MYL2: variants seen among roughly 807,000 people sequenced by gnomAD.
MYL2 encodes myosin light chain 2, also known as myosin regulatory light chain 2, ventricular/cardiac muscle isoform.
In MYL2, 19 loss-of-function variants were observed where a neutral mutation model predicts 23.0. The observed-to-expected ratio is 0.83, with a 90% CI of 0.58 to 1.21. MYL2 has a LOEUF of 1.21. Among genes scored for constraint, MYL2 ranks in the 50% most tolerant of loss-of-function variants. MYL2 has a pLI of 0.00. For missense variants in MYL2, 180 were observed against 215.1 expected, an observed-to-expected ratio of 0.84 and a Z score of 1.02; for synonymous variants, 78 against 76.2, an observed-to-expected ratio of 1.02 and a Z score of -0.13.
Position 110,914,348 on chromosome 12 carries a change from C to T in MYL2, c.170-58G>A, listed in dbSNP as rs756830343. The T allele has an allele frequency of 1.1e-5, 13 of 1,217,396 alleles. No homozygotes were observed. The African/African-American group carries it at 1.6e-4, about 15-fold the overall frequency. The allele number at this position is 1,217,396 out of a possible 1,614,324, so 75.4% of individuals were successfully genotyped here. On this transcript the variant is annotated intron_variant, in intron 3 of 6. Coordinates refer to ENST00000228841, the MANE Select transcript of MYL2 (RefSeq NM_000432.4). ...AGCTGGGGAGAAAGAACCATTATGACACTGCCATTGGCTCCTGGGATTCCA... is the reference window on the plus strand; with the variant it reads ...AGCTGGGGAGAAAGAACCATTATGATACTGCCATTGGCTCCTGGGATTCCA...
chr12:110,914,500 A>T (rs1403582477), intron 3 of MYL2, among the ~76,000 whole-genome samples: 1 of 152,068 alleles, frequency 6.6e-6, no homozygotes, highest in Non-Finnish European at 1.5e-5. Flanking sequence ...CTAACATCTG[A>T]TGTGGGAAGG....
upstream of MYL2, chr12:110,920,818 C>G (rs2071719483): frequency 3.5e-6 from 2 of 564,310 alleles, no homozygotes; most frequent in Admixed American, 3.0e-5. Flanking sequence ...GCTGCGCGCT[C>G]TCTGCGGTGC....
upstream of MYL2, among the ~76,000 whole-genome samples, chr12:110,921,388 C>T (rs1266322393): frequency 6.6e-6 from 1 of 152,168 alleles, no homozygotes; most frequent in Admixed American, 6.5e-5. Context: ...CAGCCACGCA[C>T]CTCCTGCGCT....
At position 110,915,752 on chromosome 12, in the gene MYL2, A is replaced by G. The variant is rs2301610; in HGVS notation, c.132T>C (p.Ile44=). 148,609 of 1,613,832 alleles carry G rather than the reference A, an allele frequency of 0.092. 7,752 individuals are homozygous for G. The highest frequency in any genetic ancestry group is 0.22 in the East Asian group (9,863 of 44,858). The change falls in exon 3 of 7, where the codon ATT becomes ATC. Residue 44 remains isoleucine (I), a synonymous_variant. Coordinates refer to ENST00000228841, the MANE Select transcript of MYL2 (RefSeq NM_000432.4). ...TIMDQNRDGF[I]DKNDLRDTFA... is the part of the protein sequence containing the mutation. ...AGGTGTCTCTCAGATCGTTCTTGTCAATGAAGCCATCCCTGTTCTGGTCCA... is the reference window on the plus strand; with the variant it reads ...AGGTGTCTCTCAGATCGTTCTTGTCGATGAAGCCATCCCTGTTCTGGTCCA...
At chr12:110,917,547 T>C (rs1339242454) in intron 2 of MYL2, among the ~76,000 whole-genome samples, 1 of 152,128 alleles carries the variant, frequency 6.6e-6, no homozygotes, top group Non-Finnish European at 1.5e-5. Context: ...CCTGGCTACA[T>C]GTTTTGAGTT....
intron 6 of MYL2, among the ~76,000 whole-genome samples, chr12:110,911,919 G>C (rs2071655371): frequency 6.6e-6 from 1 of 152,168 alleles, no homozygotes; most frequent in Non-Finnish European, 1.5e-5. Context: ...CTTGCCACAA[G>C]TTCACACTTT....
intron 3 of MYL2, among the ~76,000 whole-genome samples, chr12:110,915,044 A>G (rs933296): frequency 6.6e-6 from 1 of 152,082 alleles, no homozygotes; most frequent in Non-Finnish European, 1.5e-5. Flanking sequence ...CACAAGCCTA[A>G]CTTTGTGCAA....
At chr12:110,920,672 C>CGCCT, upstream of MYL2, 6 of 1,161,894 alleles carry the variant, frequency 5.2e-6, no homozygotes, top group Non-Finnish European at 7.6e-6. Context: ...GAGGCGGGCA[C>CGCCT]CACCTAAGGC....
At chr12:110,921,429 C>T (rs553476896), upstream of MYL2, among the ~76,000 whole-genome samples, 1 of 152,216 alleles carries the variant, frequency 6.6e-6, no homozygotes, top group Non-Finnish European at 1.5e-5. Context: ...CTCTGCACAG[C>T]GTGAGGCAGT....
In MYL2 at chr12:110,911,159, G is replaced by A. The variant is rs1421677669; in HGVS notation, c.419C>T (p.Ala140Val). 1.2e-6 allele frequency: 2 copies of A among 1,608,914 alleles called. No individual in the cohort carries two copies. Among genetic ancestry groups the A allele is most frequent in the Non-Finnish European group, 8.5e-7 (1 of 1,177,322 alleles). The change falls in exon 7 of 7, where the codon GCC (alanine) becomes GTC (valine). Residue 140 changes from alanine to valine, a missense_variant. Physicochemically the swap from Ala to Val is moderately conservative, Grantham distance 64. Coordinates refer to ENST00000228841, the MANE Select transcript of MYL2 (RefSeq NM_000432.4). Reference protein sequence around the residue: ...FSKEEVDQMFAAFPPDVTGNL... With the variant: ...FSKEEVDQMFVAFPPDVTGNL... ...GCCAGTCACGTCAGGGGGGAAGGCG[G>A]CGAACATCTGGTCAACCTGCAATGA...
intron 2 of MYL2, among the ~76,000 whole-genome samples, chr12:110,916,772 C>A (rs1286965341): frequency 6.6e-6 from 1 of 152,150 alleles, no homozygotes; most frequent in African/African-American, 2.4e-5. Context: ...TGTGAGTATA[C>A]TGCAAACCAC....
At chr12:110,920,398 G>A (rs2071714251) in intron 1 of MYL2, 129 bp downstream of exon 1, 2 of 1,379,424 alleles carry the variant, frequency 1.4e-6, no homozygotes, top group Non-Finnish European at 2.1e-6. Flanking sequence ...CAGTCAATGG[G>A]GCTTTTTCCA....
intron 3 of MYL2, 148 bp downstream of exon 3, chr12:110,915,567 C>T: frequency 1.3e-6 from 1 of 796,384 alleles, no homozygotes; most frequent in Non-Finnish European, 2.2e-6. Flanking sequence ...CTTTCCCATC[C>T]CCTGAAATTT....
chr12:110,921,051 G>A (rs1042646297), upstream of MYL2, among the ~76,000 whole-genome samples: 12 of 152,102 alleles, frequency 7.9e-5, no homozygotes, highest in Non-Finnish European at 1.6e-4. Context: ...AAGCCTCCCC[G>A]ACCACCATCT....
upstream of MYL2, chr12:110,920,731 C>G: frequency 1.4e-6 from 1 of 707,760 alleles, no homozygotes; most frequent in Non-Finnish European, 2.4e-6. Context: ...TCACTCGCCA[C>G]TGGGTGACAC....
At position 110,918,898 on chromosome 12, in the gene MYL2, G is replaced by A. The variant is rs1475564632; in HGVS notation, c.93+206C>T. 3.3e-5 allele frequency: 19 copies of A among 575,644 alleles called. No individual in the cohort carries two copies. Among genetic ancestry groups the A allele is most frequent in the Non-Finnish European group, 3.7e-5 (12 of 326,500 alleles). 35.7% of individuals were successfully genotyped at this position (575,644 alleles called of 1,614,324 possible). A position where few individuals can be genotyped will look rare whatever the true frequency, so the allele number is the denominator to read the frequency against. Reference sequence around the variant, plus strand: ...AAAATTTTCCAACATTTTTCAACATGGAATATGTTTTACTTTGATAATCAG... The same window carrying A: ...AAAATTTTCCAACATTTTTCAACATAGAATATGTTTTACTTTGATAATCAG... On this transcript the variant is annotated intron_variant, in intron 2 of 6. Coordinates refer to ENST00000228841, the MANE Select transcript of MYL2 (RefSeq NM_000432.4). This position sits in a 1 kb window ranked among gnomAD's most constrained non-coding sequence, Gnocchi z 4.4.
In MYL2 at chr12:110,919,149, G is replaced by C; in HGVS notation, c.48C>G (p.Asn16Lys). 6.2e-7 allele frequency: 1 copy of C among 1,613,862 alleles called. No homozygotes were observed. The highest frequency in any genetic ancestry group is 8.5e-7 in the Non-Finnish European group (1 of 1,180,006). ...AKKRAGGANS[N>K]VFSMFEQTQI... ...GGGTCTGTTCGAACATGGAGAACAC[G>C]TTGGAGTTGGCGCCCCCGGCTCTCT... Residue 16 changes from asparagine (N) to lysine (K), a missense_variant, in exon 2 of 7, where the codon AAC becomes AAG. By Grantham distance (94) the Asn-to-Lys change is moderately conservative. Coordinates refer to ENST00000228841, the MANE Select transcript of MYL2 (RefSeq NM_000432.4).
In MYL2 at chr12:110,911,350, G is replaced by T. The variant is rs369557164; in HGVS notation, c.403-175C>A. 6.6e-5 allele frequency among the ~76,000 whole-genome samples: 10 copies of T among 152,176 alleles called. No homozygotes were observed. In the East Asian group the frequency reaches 1.9e-3, roughly 30 times the overall value. On this transcript the variant is annotated intron_variant, in intron 6 of 6. Coordinates refer to ENST00000228841, the MANE Select transcript of MYL2 (RefSeq NM_000432.4). ...TCCCCAGCTGCTGCAGGGCCCCCTC[G>T]CCCAAGGTCATGCCCTTTCTGGGGC...
chr12:110,913,265 C>G lies in MYL2; in HGVS notation c.334G>C (p.Gly112Arg). 1 of 1,614,252 alleles carries G rather than the reference C, an allele frequency of 6.2e-7. No homozygotes were observed. The highest frequency in any genetic ancestry group is 8.5e-7 in the Non-Finnish European group (1 of 1,180,046). ...AFKVFDPEGK[G>R]VLKADYVREM... ...ACTCACTAATCAGCCTTCAGCACCC[C>G]TTTGCCTTCAGGGTCAAACACTTTG... The change falls in exon 5 of 7, where the codon GGG becomes CGG. Residue 112 changes from glycine (G) to arginine (R), a missense_variant. By Grantham distance (125) the Gly-to-Arg change is moderately radical. Coordinates refer to ENST00000228841, the MANE Select transcript of MYL2 (RefSeq NM_000432.4).
Sources: gnomAD v4.1 joint callset for allele counts (sites outside exome capture counted in the v4.1 genomes callset) on GRCh38, gnomAD v4.1.1 for gene constraint, Gnocchi (gnomAD v3.1) non-coding constraint, MANE v1.5 for transcripts, NCBI Gene and HGNC (gene_info 2026-07-23, HGNC 2026-07-21) for gene names.